The following LPAR1 variants were observed in gnomAD, a reference collection of about 807,000 sequenced individuals.
The protein encoded by LPAR1 is lysophosphatidic acid receptor 1.
In LPAR1, 5 loss-of-function variants were observed where a neutral mutation model predicts 23.8. The observed-to-expected ratio is 0.21, with a 90% CI of 0.11 to 0.44. The LOEUF (loss-of-function observed/expected upper bound fraction) is 0.44, where lower values mean the gene tolerates loss of function less well. Among genes scored for constraint, LPAR1 ranks in the 20% least tolerant of loss-of-function variants. The pLI is 0.99. For synonymous variants in LPAR1, 160 were observed against 164.7 expected (o/e 0.97, Z 0.22); for missense variants, 311 against 482.8 (o/e 0.64, Z 3.33).
chr9:110,887,075 T>C (rs2082610430), intron 5 of LPAR1, among the ~76,000 whole-genome samples: 1 of 152,130 alleles, frequency 6.6e-6, no homozygotes, highest in African/African-American at 2.4e-5. Context: ...TCTCCCAAAA[T>C]AATATAAATC....
At chr9:110,928,740 G>A (rs2094207390) in intron 5 of LPAR1, among the ~76,000 whole-genome samples, 1 of 152,206 alleles carries the variant, frequency 6.6e-6, no homozygotes, top group East Asian at 1.9e-4. Flanking sequence ...AATATACAAA[G>A]GAGTACCACG....
chr9:110,968,427 CCTCTCT>C (rs766545986), intron 4 of LPAR1, among the ~76,000 whole-genome samples: 2 of 149,594 alleles, frequency 1.3e-5, no homozygotes, highest in Admixed American at 6.7e-5. Context: ...TGCTTTGCTC[CCTCTCT>C]CTCTCTCTCT....
chr9:110,960,474 G>C (rs1160486146), intron 4 of LPAR1, among the ~76,000 whole-genome samples: 1 of 152,166 alleles, frequency 6.6e-6, no homozygotes, highest in Non-Finnish European at 1.5e-5. Flanking sequence ...GAATTAGGAA[G>C]GAGTAAAAGG....
chr9:110,937,414 C>A (rs1194647700), intron 5 of LPAR1, among the ~76,000 whole-genome samples: 2 of 152,206 alleles, frequency 1.3e-5, no homozygotes, highest in African/African-American at 4.8e-5. Context: ...TGAATCCCAG[C>A]TCCTGACCTT....
chr9:110,974,675 G>A lies in LPAR1; in HGVS notation c.-181-1117C>T, dbSNP rs57673317. The stretch of plus-strand genomic sequence containing the variant: ...TTATCTTGTCATGACATTCAACACC[G>A]AATTCCACAGCTGCCCTGTGACAGT... On this transcript the variant is annotated intron_variant, in intron 2 of 5. Transcript: ENST00000683809. Among the ~76,000 whole-genome samples the A allele has an allele frequency of 9.0e-3, 1,373 of 152,248 alleles. 22 individuals carry two copies. Among genetic ancestry groups the A allele is most frequent in the African/African-American group, 0.031 (1,303 of 41,540 alleles).
chr9:110,967,336 A>G (rs766508813), intron 4 of LPAR1, among the ~76,000 whole-genome samples: 2 of 152,168 alleles, frequency 1.3e-5, no homozygotes, highest in African/African-American at 4.8e-5. Context: ...TCAACTAACT[A>G]AACAGCAATC....
intron 4 of LPAR1, among the ~76,000 whole-genome samples, chr9:110,966,511 T>C (rs2096233372): frequency 2.7e-5 from 4 of 149,738 alleles, no homozygotes; most frequent in African/African-American, 9.8e-5. Context: ...ACCTAGATGA[T>C]GGGTTGATAG....
intron 3 of LPAR1, among the ~76,000 whole-genome samples, 198 bp from the exon 4 acceptor site, chr9:110,972,418 G>A (rs533220825): frequency 3.9e-5 from 6 of 152,170 alleles, no homozygotes; most frequent in Non-Finnish European, 8.8e-5. Flanking sequence ...CTCTTAAGTT[G>A]AGGAATTTTC....
chr9:111,001,969 A>G (rs973809221), intron 2 of LPAR1, among the ~76,000 whole-genome samples: 1 of 152,126 alleles, frequency 6.6e-6, no homozygotes, highest in Admixed American at 6.5e-5. Context: ...AAAACTTCCA[A>G]AATGACTAAT....
chr9:110,968,699 A>G (rs1181308379), intron 4 of LPAR1, among the ~76,000 whole-genome samples: 1 of 152,122 alleles, frequency 6.6e-6, no homozygotes, highest in Non-Finnish European at 1.5e-5. Flanking sequence ...TATATCTGTA[A>G]ACTCTGGCAG....
intron 4 of LPAR1, among the ~76,000 whole-genome samples, chr9:110,959,850 C>T (rs763743371): frequency 1.2e-4 from 18 of 151,890 alleles, no homozygotes; most frequent in Non-Finnish European, 2.1e-4. Flanking sequence ...TGCAGCAACA[C>T]GAATGGAGTG....
intron 3 of LPAR1, among the ~76,000 whole-genome samples, chr9:110,973,108 T>C (rs1324468564): frequency 6.6e-6 from 1 of 152,308 alleles, no homozygotes; most frequent in East Asian, 1.9e-4. Flanking sequence ...TCACCCACAC[T>C]ATTCAGAACG....
chr9:111,002,433 C>T (rs907379946), intron 2 of LPAR1, among the ~76,000 whole-genome samples: 5 of 152,152 alleles, frequency 3.3e-5, no homozygotes, highest in Admixed American at 2.6e-4. Flanking sequence ...TGTATTCTAG[C>T]TCTCTTGAGG....
intron 4 of LPAR1, among the ~76,000 whole-genome samples, chr9:110,964,656 C>G (rs866110714): frequency 1.1e-5 from 1 of 92,712 alleles, no homozygotes; most frequent in African/African-American, 4.3e-5. Flanking sequence ...TCCAAAAAGA[C>G]GAATCTTTCA....
At chr9:110,945,823 T>C (rs529949370) in intron 4 of LPAR1, among the ~76,000 whole-genome samples, 50 of 152,280 alleles carry the variant, frequency 3.3e-4, no homozygotes, top group African/African-American at 1.2e-3. Context: ...TAGTAATGAC[T>C]AGTCAGGTCT....
intron 2 of LPAR1, among the ~76,000 whole-genome samples, chr9:110,979,826 A>G (rs934611654): frequency 2.6e-5 from 4 of 152,098 alleles, no homozygotes; most frequent in African/African-American, 9.7e-5. Context: ...TACAAGAGGG[A>G]GAAAAAAAGG....
At chr9:110,903,516 T>C (rs559400127) in intron 5 of LPAR1, 1 of 151,338 alleles carries the variant, frequency 6.6e-6, no homozygotes, top group Admixed American at 6.6e-5. Flanking sequence ...ACTTAGTGGG[T>C]TCAATAGTAA....
chr9:110,979,405 G>A (rs1371414300), intron 2 of LPAR1, among the ~76,000 whole-genome samples: 1 of 151,864 alleles, frequency 6.6e-6, no homozygotes, highest in Non-Finnish European at 1.5e-5. Flanking sequence ...AAAGAGTAAA[G>A]GAAATGGGGT....
rs564226807 is a variant in LPAR1, at chr9:111,035,048, T to C, written c.-182+1074A>G. 2.1e-4 allele frequency among the ~76,000 whole-genome samples: 32 copies of C among 152,336 alleles called. 1 individual carries two copies. Among genetic ancestry groups the C allele is most frequent in the African/African-American group, 7.0e-4 (29 of 41,580 alleles). On this transcript the variant is annotated intron_variant, in intron 2 of 5. Transcript: ENST00000683809. ...CCAGTTACACAACACTGCATATACA[T>C]ATTCGGTATGAACCGTGAGGCTCAC...
Sources: gnomAD v4.1 joint callset for allele counts (sites outside exome capture counted in the v4.1 genomes callset) on GRCh38, gnomAD v4.1.1 for gene constraint, MANE v1.5 for transcripts, NCBI Gene and HGNC (gene_info 2026-07-23, HGNC 2026-07-21) for gene names.